SERPINI2: variants seen among roughly 807,000 people sequenced by gnomAD.
SERPINI2 encodes serpin family I member 2.
Under a neutral mutation model 47.3 loss-of-function variants are expected in SERPINI2, and 48 were observed. The ratio of observed to expected loss-of-function variants is 1.02; its 90% CI spans 0.81 to 1.29. SERPINI2 has a LOEUF of 1.29. Ranked by LOEUF, SERPINI2 falls within the 50% of genes most tolerant of loss-of-function variation. The pLI, the probability that SERPINI2 is intolerant of heterozygous loss-of-function variation, is 0.00. For missense variants in SERPINI2, 448 were observed against 456.9 expected (o/e 0.98, Z 0.18); for synonymous variants, 135 against 149.3 (o/e 0.90, Z 0.70).
chr3:167,456,012 G>A (rs901928761), intron 5 of SERPINI2, among the ~76,000 whole-genome samples: 5 of 152,068 alleles, frequency 3.3e-5, no homozygotes, highest in South Asian at 2.1e-4. Context: ...CACTTGTACT[G>A]TTCAGAGCTG....
chr3:167,461,442 T>A (rs148996655), intron 5 of SERPINI2, among the ~76,000 whole-genome samples: 1 of 152,280 alleles, frequency 6.6e-6, no homozygotes, highest in African/African-American at 2.4e-5. Context: ...AGATTCAAAT[T>A]CAGCTTTTAA....
chr3:167,471,138 C>T (rs1750304862), intron 2 of SERPINI2, among the ~76,000 whole-genome samples: 1 of 151,896 alleles, frequency 6.6e-6, no homozygotes, highest in Non-Finnish European at 1.5e-5. Context: ...AATGGTACTT[C>T]TATAAGAGGC....
chr3:167,449,261 T>C (rs905564449), intron 7 of SERPINI2, 55 bp downstream of exon 7: 1 of 1,169,570 alleles, frequency 8.6e-7, no homozygotes, highest in Middle Eastern at 1.9e-4. Context: ...AGCACCATAA[T>C]GTTCATCCTC....
exon 9 of SERPINI2, chr3:167,441,933 T>C (rs35216909): frequency 0.14 from 66,513 of 462,884 alleles, 7,618 homozygotes; most frequent in African/African-American, 0.39. Flanking sequence ...ACAGAAGGAA[T>C]GGAAACAAAT....
At chr3:167,459,906 C>T (rs1194804351) in intron 5 of SERPINI2, among the ~76,000 whole-genome samples, 1 of 152,036 alleles carries the variant, frequency 6.6e-6, no homozygotes, top group Non-Finnish European at 1.5e-5. Context: ...ATGAGAACAC[C>T]ACACGAAGAC....
chr3:167,476,412 T>TA (rs1181018736), upstream of SERPINI2, among the ~76,000 whole-genome samples: 7 of 151,984 alleles, frequency 4.6e-5, no homozygotes, highest in East Asian at 9.6e-4. Context: ...AAAAGTTCTC[T>TA]TCTCATTGAA....
rs766216437 is a variant in SERPINI2 at position 167,465,524 on chromosome 3, TTG to T, written c.626_627del (p.Ser209TyrfsTer20). ...GCCTTCATCATTGGAATTTTGACAG[TTG>T]AACCATTTTTCTTAGTAAAATTTAT... On this transcript the variant is annotated frameshift_variant, in exon 4 of 9. Transcript: ENST00000264677. LOFTEE classifies it high-confidence loss of function. 5.5e-4 allele frequency: 885 copies of T among 1,613,874 alleles called. No homozygotes were observed. The highest frequency in any genetic ancestry group is 6.9e-4 in the Non-Finnish European group (814 of 1,179,928).
intron 5 of SERPINI2, among the ~76,000 whole-genome samples, chr3:167,459,486 A>T (rs1039728230): frequency 2.0e-5 from 3 of 152,150 alleles, no homozygotes; most frequent in African/African-American, 7.2e-5. Flanking sequence ...AAAATTATAT[A>T]TCTAGTATAT....
chr3:167,447,858 G>GC (rs1375144508), intron 7 of SERPINI2, among the ~76,000 whole-genome samples: 1 of 152,198 alleles, frequency 6.6e-6, no homozygotes, highest in African/African-American at 2.4e-5. Flanking sequence ...GCACAGCAAT[G>GC]CAAGATCCTT....
chr3:167,469,130 C>T (rs375241557), intron 2 of SERPINI2: 17 of 152,176 alleles, frequency 1.1e-4, no homozygotes, highest in African/African-American at 2.4e-4. Flanking sequence ...AATTTTATTT[C>T]GTTTCTAGAT....
intron 6 of SERPINI2, among the ~76,000 whole-genome samples, chr3:167,451,485 A>G (rs896214429): frequency 3.3e-5 from 5 of 152,210 alleles, no homozygotes; most frequent in African/African-American, 1.2e-4. Flanking sequence ...GCTCCTAGCT[A>G]CCAGCAGGGG....
At chr3:167,465,128 G>T in intron 5 of SERPINI2, 78 bp downstream of exon 5, 1 of 1,245,314 alleles carries the variant, frequency 8.0e-7, no homozygotes, top group Non-Finnish European at 1.1e-6. Flanking sequence ...TCAAGTATTT[G>T]TTACCTTTCA....
At chr3:167,449,839 CT>C (rs1472176616) in intron 6 of SERPINI2, among the ~76,000 whole-genome samples, 1 of 152,162 alleles carries the variant, frequency 6.6e-6, no homozygotes, top group Non-Finnish European at 1.5e-5. Context: ...AATAAATGAA[CT>C]TTTTCCTATT....
chr3:167,467,601 T>C (rs1225674283), intron 2 of SERPINI2, among the ~76,000 whole-genome samples: 1 of 152,196 alleles, frequency 6.6e-6, no homozygotes, highest in Non-Finnish European at 1.5e-5. Flanking sequence ...TTTTTAGTTA[T>C]TGAAATTTAT....
At chr3:167,473,465 G>T (rs1376604138) in intron 1 of SERPINI2, among the ~76,000 whole-genome samples, 1 of 151,434 alleles carries the variant, frequency 6.6e-6, no homozygotes, top group Non-Finnish European at 1.5e-5. Context: ...TAGTCAAAAT[G>T]TTATTAGTAC....
intron 2 of SERPINI2, among the ~76,000 whole-genome samples, chr3:167,469,884 T>C (rs1750255751): frequency 6.6e-6 from 1 of 152,174 alleles, no homozygotes; most frequent in Non-Finnish European, 1.5e-5. Flanking sequence ...TGCCTCAGTT[T>C]TCTCAGGTTT....
Position 167,452,856 on chromosome 3 carries a change from T to G in SERPINI2, c.964+80A>C, listed in dbSNP as rs552464306. On this transcript the variant is annotated intron_variant, in intron 6 of 8. Coordinates refer to ENST00000264677, the Ensembl canonical transcript of SERPINI2. ...ATATTTATCAGAGCTGAATGCTCTT[T>G]CAGTTTTAAGCTCAGCTAGTTAATG... 3 of 810,998 alleles carry G rather than the reference T, an allele frequency of 3.7e-6. No homozygotes were observed. In the African/African-American group the frequency reaches 5.3e-5, roughly 14 times the overall value. 50.2% of individuals were successfully genotyped at this position (810,998 alleles called of 1,614,324 possible).
exon 3 of SERPINI2, chr3:167,467,156 C>T: frequency 6.2e-7 from 1 of 1,613,362 alleles, no homozygotes; most frequent in Non-Finnish European, 8.5e-7. Context: ...TTCCTTGTTG[C>T]CATGGAGATA....
chr3:167,445,660 G>A (rs1360865502), intron 8 of SERPINI2, among the ~76,000 whole-genome samples: 2 of 152,178 alleles, frequency 1.3e-5, no homozygotes, highest in East Asian at 1.9e-4. Context: ...CCTGTGGTAT[G>A]TAACTCTCAC....
Sources: gnomAD v4.1 joint callset for allele counts (sites outside exome capture counted in the v4.1 genomes callset) on GRCh38, gnomAD v4.1.1 for gene constraint, MANE v1.5 for transcripts, NCBI Gene and HGNC (gene_info 2026-07-23, HGNC 2026-07-21) for gene names.